Variants in METTL25 observed in about 807,000 individuals in gnomAD.
The protein encoded by METTL25 is probable methyltransferase-like protein 25.
Under a neutral mutation model 71.6 loss-of-function variants are expected in METTL25, and 64 were observed. The ratio of observed to expected loss-of-function variants is 0.89; its 90% CI spans 0.73 to 1.10. The LOEUF (loss-of-function observed/expected upper bound fraction) is 1.10, where lower values mean the gene tolerates loss of function less well. METTL25 is among the 50% of genes least tolerant of loss of function. The pLI, the probability that METTL25 is intolerant of heterozygous loss-of-function variation, is 0.00. For missense variants in METTL25, 807 were observed against 707.0 expected, an observed-to-expected ratio of 1.14 and a Z score of -1.60; for synonymous variants, 287 against 250.3, an observed-to-expected ratio of 1.15 and a Z score of -1.38.
At chr12:82,456,608 C>T in intron 8 of METTL25, 119 bp from the exon 9 acceptor site, 1 of 540,590 alleles carries the variant, frequency 1.8e-6, no homozygotes, top group South Asian at 2.9e-5. Flanking sequence ...GTATTTTGAT[C>T]ACATTTGGAT....
At chr12:82,377,898 A>G (rs1884037550) in intron 1 of METTL25, among the ~76,000 whole-genome samples, 1 of 152,248 alleles carries the variant, frequency 6.6e-6, no homozygotes, top group Non-Finnish European at 1.5e-5. Context: ...GGTGATTCAT[A>G]GCCCTTGTAA....
intron 8 of METTL25, among the ~76,000 whole-genome samples, chr12:82,454,449 C>T (rs1313592104): frequency 2.0e-5 from 3 of 152,034 alleles, no homozygotes; most frequent in Non-Finnish European, 4.4e-5. Context: ...AACATGATCA[C>T]ATCATCAACT....
At chr12:82,361,641 C>T (rs1466095027) in intron 1 of METTL25, among the ~76,000 whole-genome samples, 4 of 152,186 alleles carry the variant, frequency 2.6e-5, no homozygotes, top group African/African-American at 9.6e-5. Context: ...TTGGTGCATC[C>T]TCCGCAGCTG....
intron 1 of METTL25, among the ~76,000 whole-genome samples, chr12:82,381,220 G>A (rs568593236): frequency 6.6e-6 from 1 of 152,060 alleles, no homozygotes; most frequent in Non-Finnish European, 1.5e-5. Flanking sequence ...CTATTTCTTT[G>A]CATATTTTTG....
intron 1 of METTL25, among the ~76,000 whole-genome samples, chr12:82,365,633 TA>T (rs1452790343): frequency 6.6e-6 from 1 of 152,186 alleles, no homozygotes; most frequent in Non-Finnish European, 1.5e-5. Context: ...CTTCAGAAAT[TA>T]ATTGTTGTTT....
At chr12:82,399,617 T>G (rs527617328) in intron 4 of METTL25, among the ~76,000 whole-genome samples, 5 of 152,136 alleles carry the variant, frequency 3.3e-5, no homozygotes, top group African/African-American at 1.2e-4. Flanking sequence ...TTAAATCAAA[T>G]TGAAGTCCTG....
chr12:82,471,940 G>T (rs555106453), intron 9 of METTL25, among the ~76,000 whole-genome samples: 1 of 152,136 alleles, frequency 6.6e-6, no homozygotes, highest in Non-Finnish European at 1.5e-5. Context: ...ATAACTGAGA[G>T]AGAGAATAGA....
At chr12:82,405,837 TTCAC>T (rs1380061256) in intron 5 of METTL25, among the ~76,000 whole-genome samples, 4 of 152,202 alleles carry the variant, frequency 2.6e-5, no homozygotes, top group South Asian at 2.1e-4. Flanking sequence ...ACTAAGCACA[TTCAC>T]TCAAACGTGA....
chr12:82,359,550 A>G (rs1309088842), intron 1 of METTL25, among the ~76,000 whole-genome samples: 2 of 152,256 alleles, frequency 1.3e-5, no homozygotes, highest in African/African-American at 4.8e-5. Flanking sequence ...GACTAGGGCA[A>G]AAGCTGAAGC....
intron 1 of METTL25, among the ~76,000 whole-genome samples, chr12:82,377,023 G>A (rs1348624266): frequency 2.0e-5 from 3 of 151,916 alleles, no homozygotes; most frequent in African/African-American, 7.3e-5. Flanking sequence ...TGAGTCAGGA[G>A]ACTCTCTTGA....
chr12:82,367,114 T>G (rs1487642755), intron 1 of METTL25, among the ~76,000 whole-genome samples: 1 of 152,206 alleles, frequency 6.6e-6, no homozygotes, highest in Non-Finnish European at 1.5e-5. Flanking sequence ...TACTTTCCCC[T>G]TTCCCCATAT....
chr12:82,430,826 ATTAT>A (rs1169431224), intron 5 of METTL25, 63 bp from the exon 6 acceptor site: 5 of 840,166 alleles, frequency 6.0e-6, no homozygotes, highest in African/African-American at 3.5e-5. Context: ...TTCTTGGTAG[ATTAT>A]TTATTTTAAC....
At chr12:82,381,198 A>G (rs1884413321) in intron 1 of METTL25, among the ~76,000 whole-genome samples, 1 of 152,200 alleles carries the variant, frequency 6.6e-6, no homozygotes, top group Non-Finnish European at 1.5e-5. Context: ...TAGCAAATCA[A>G]TTTCTAAATT....
chr12:82,448,905 T>C (rs1890937673), intron 8 of METTL25, among the ~76,000 whole-genome samples: 1 of 152,226 alleles, frequency 6.6e-6, no homozygotes, highest in Non-Finnish European at 1.5e-5. Context: ...ATAAATATTT[T>C]GTGATTATGG....
chr12:82,478,889 T>C (rs1480228394), intron 11 of METTL25, 43 bp from the exon 12 acceptor site: 1 of 1,510,740 alleles, frequency 6.6e-7, no homozygotes, highest in East Asian at 2.3e-5. Context: ...AATTTTTTTC[T>C]TCAACAAATG....
intron 1 of METTL25, among the ~76,000 whole-genome samples, chr12:82,361,026 C>T (rs779091549): frequency 6.6e-6 from 1 of 152,134 alleles, no homozygotes; most frequent in South Asian, 2.1e-4. Flanking sequence ...AGTGAAAGAA[C>T]AAAGCTTCCA....
chr12:82,408,597 C>CGTGTGTGT (rs56872887), intron 5 of METTL25, among the ~76,000 whole-genome samples: 8,700 of 147,548 alleles, frequency 0.059, 397 homozygotes, highest in African/African-American at 0.13. Context: ...GATGTGACTC[C>CGTGTGTGT]GTGTGTGTGT....
At chr12:82,371,647 G>T (rs533066041) in intron 1 of METTL25, among the ~76,000 whole-genome samples, 3 of 152,220 alleles carry the variant, frequency 2.0e-5, no homozygotes, top group South Asian at 4.2e-4. Context: ...AACGCCTCCA[G>T]ATTTTTTTCA....
intron 3 of METTL25, among the ~76,000 whole-genome samples, chr12:82,393,457 T>C (rs1337198713): frequency 2.6e-5 from 4 of 152,106 alleles, no homozygotes; most frequent in Non-Finnish European, 5.9e-5. Flanking sequence ...ATGATACTAG[T>C]TTTTGTTACT....
Sources: gnomAD v4.1 joint callset for allele counts (sites outside exome capture counted in the v4.1 genomes callset) on GRCh38, gnomAD v4.1.1 for gene constraint, MANE v1.5 for transcripts, NCBI Gene and HGNC (gene_info 2026-07-23, HGNC 2026-07-21) for gene names.